The following ADCY9 variants were observed in gnomAD, a reference collection of about 807,000 sequenced individuals.
ADCY9 encodes the protein adenylate cyclase type 9.
A neutral mutation model predicts 101.5 loss-of-function variants in ADCY9; 50 were observed. The observed-to-expected ratio is 0.49, with a 90% CI of 0.39 to 0.62. ADCY9 has a LOEUF of 0.62. ADCY9 is among the 20% of genes least tolerant of loss of function. The probability of loss-of-function intolerance (pLI) is 0.00; values close to 1 mark genes in which losing one functional copy is unlikely to be tolerated. For missense variants in ADCY9, 1,662 were observed against 1,800.4 expected, an observed-to-expected ratio of 0.92 and a Z score of 1.39; for synonymous variants, 905 against 769.3, an observed-to-expected ratio of 1.18 and a Z score of -2.92.
In ADCY9 at chr16:4,114,944, G is replaced by A. The variant is rs753858086; in HGVS notation, c.499C>T (p.Leu167=). 13 of 1,613,984 alleles carry A rather than the reference G, an allele frequency of 8.1e-6. No individual in the cohort carries two copies. The highest frequency in any genetic ancestry group is 4.5e-5 in the East Asian group (2 of 44,890). The change falls in exon 2 of 11, where the codon CTG becomes TTG. Residue 167 remains leucine (L), a synonymous_variant. Transcript: ENST00000294016. This position sits in a 1 kb window ranked among gnomAD's most constrained non-coding sequence, Gnocchi z 4.3. The part of the protein sequence containing the change: ...VGFFLFTFTK[L]YARHYAWTSL... ...GTCCACGCGTAATGCCGGGCGTACA[G>A]CTTGGTGAAGGTAAACAGAAAGAAG...
chr16:4,097,004 A>AAAT (rs1424678597), intron 2 of ADCY9, among the ~76,000 whole-genome samples: 1 of 152,196 alleles, frequency 6.6e-6, no homozygotes, highest in Non-Finnish European at 1.5e-5. Flanking sequence ...CCATGTGTAT[A>AAAT]AATGGTAATC....
intron 9 of ADCY9, among the ~76,000 whole-genome samples, chr16:3,976,119 G>A (rs1221620025): frequency 2.0e-5 from 3 of 152,138 alleles, no homozygotes; most frequent in Non-Finnish European, 4.4e-5. Flanking sequence ...AGCCTCCTGA[G>A]TAGCTGGGAC....
At chr16:4,087,092 T>C (rs948542825) in intron 2 of ADCY9, among the ~76,000 whole-genome samples, 2 of 152,084 alleles carry the variant, frequency 1.3e-5, no homozygotes, top group African/African-American at 4.8e-5. Context: ...GTCTTTTACC[T>C]GCATTCTATT....
chr16:4,002,403 T>C (rs1318627744), intron 3 of ADCY9, among the ~76,000 whole-genome samples: 1 of 152,208 alleles, frequency 6.6e-6, no homozygotes, highest in Non-Finnish European at 1.5e-5. Flanking sequence ...CAAAATTCAC[T>C]GTCACAAAAG....
At chr16:4,099,202 G>C (rs1483779645) in intron 2 of ADCY9, among the ~76,000 whole-genome samples, 1 of 152,058 alleles carries the variant, frequency 6.6e-6, no homozygotes, top group East Asian at 1.9e-4. Flanking sequence ...CAAAGTGCTG[G>C]GATTACAGAC....
chr16:4,055,935 G>C (rs1309815357), intron 2 of ADCY9, among the ~76,000 whole-genome samples: 1 of 152,208 alleles, frequency 6.6e-6, no homozygotes, highest in East Asian at 1.9e-4. Context: ...GAGCCTGCAA[G>C]ACAGCTCCCA....
intron 2 of ADCY9, among the ~76,000 whole-genome samples, chr16:4,098,630 G>A (rs1266435904): frequency 6.6e-6 from 1 of 152,174 alleles, no homozygotes; most frequent in Non-Finnish European, 1.5e-5. Flanking sequence ...GAACACAGCA[G>A]GAAGTAAAAC....
At position 3,977,582 on chromosome 16, in the gene ADCY9, A is replaced by T. The variant is rs1045137938; in HGVS notation, c.2728T>A (p.Cys910Ser). The T allele has an allele frequency of 1.2e-6, 2 of 1,611,988 alleles. No individual in the cohort carries two copies. Among genetic ancestry groups the T allele is most frequent in the Non-Finnish European group, 1.7e-6 (2 of 1,179,502 alleles). Residue 910 changes from cysteine (C) to serine (S), a missense_variant, in exon 9 of 11, where the codon TGT (cysteine) becomes AGT (serine). Around this residue, in one of 5 missense-constraint regions of ADCY9, gnomAD observed 624 missense variants for 639.1 expected, o/e 0.98. Coordinates refer to ENST00000294016, the MANE Select transcript of ADCY9 (RefSeq NM_001116.4). Reference sequence around the variant, plus strand: ...CAGGAGCTGAGCTGGCAGAAGTTACAGTAGTGCACGACGGCAATCAGCGCG... The same window carrying T: ...CAGGAGCTGAGCTGGCAGAAGTTACTGTAGTGCACGACGGCAATCAGCGCG... ...SAALIAVVHY[C>S]NFCQLSSWMR... is the part of the protein sequence containing the mutation.
At chr16:3,975,609 G>T (rs553230819) in intron 9 of ADCY9, among the ~76,000 whole-genome samples, 1 of 152,180 alleles carries the variant, frequency 6.6e-6, no homozygotes, top group African/African-American at 2.4e-5. Context: ...GAAATGCCAG[G>T]GGTCCCTCTG....
intron 4 of ADCY9, 47 bp downstream of exon 4, chr16:3,993,359 T>C (rs2056261626): frequency 1.9e-6 from 3 of 1,601,832 alleles, no homozygotes; most frequent in African/African-American, 1.3e-5. Flanking sequence ...CTTGGGTGGA[T>C]GCGCCAGGAG....
chr16:4,038,229 C>T (rs1268059878), intron 2 of ADCY9, among the ~76,000 whole-genome samples: 3 of 150,744 alleles, frequency 2.0e-5, no homozygotes, highest in African/African-American at 4.9e-5. Flanking sequence ...TGCAGTGAGC[C>T]GTGATTGCAC....
chr16:4,021,972 C>T (rs182759795), intron 2 of ADCY9, among the ~76,000 whole-genome samples: 1 of 152,206 alleles, frequency 6.6e-6, no homozygotes, highest in African/African-American at 2.4e-5. Flanking sequence ...GCAATGTCCT[C>T]TTTTCCATCA....
chr16:4,083,152 G>A (rs753649972), intron 2 of ADCY9, among the ~76,000 whole-genome samples: 11 of 152,110 alleles, frequency 7.2e-5, no homozygotes, highest in Non-Finnish European at 1.5e-4. Flanking sequence ...TAGTAAATGC[G>A]TTTTTTTGTT....
intron 2 of ADCY9, among the ~76,000 whole-genome samples, chr16:4,065,955 T>C (rs2056798731): frequency 6.6e-6 from 1 of 151,856 alleles, no homozygotes. Context: ...CTGCCCGCCT[T>C]GGCCTCCCAA....
At chr16:4,012,028 A>G (rs2056407789) in intron 2 of ADCY9, among the ~76,000 whole-genome samples, 1 of 152,238 alleles carries the variant, frequency 6.6e-6, no homozygotes, top group Non-Finnish European at 1.5e-5. Flanking sequence ...TGCACCTTCT[A>G]CATACAAAAG....
intron 2 of ADCY9, among the ~76,000 whole-genome samples, chr16:4,009,110 A>G (rs1157855574): frequency 6.6e-6 from 1 of 152,164 alleles, no homozygotes; most frequent in Non-Finnish European, 1.5e-5. Context: ...CTACGTGGCT[A>G]ATCTTTTTAA....
chr16:4,056,619 G>C (rs2056739565), intron 2 of ADCY9, among the ~76,000 whole-genome samples: 1 of 152,120 alleles, frequency 6.6e-6, no homozygotes, highest in Non-Finnish European at 1.5e-5. Context: ...GTAAGAAGCA[G>C]AATTCTAACC....
chr16:4,013,817 A>C (rs1022607871), intron 2 of ADCY9, among the ~76,000 whole-genome samples: 2 of 152,252 alleles, frequency 1.3e-5, no homozygotes, highest in African/African-American at 4.8e-5. Context: ...CTTTCTGCGT[A>C]AGAAGAACAA....
At chr16:4,065,931 T>C (rs1294986262) in intron 2 of ADCY9, among the ~76,000 whole-genome samples, 5 of 152,212 alleles carry the variant, frequency 3.3e-5, no homozygotes, top group Non-Finnish European at 5.9e-5. Flanking sequence ...CTCGAACTCC[T>C]GACCTCAGGT....
Sources: gnomAD v4.1 joint callset for allele counts (sites outside exome capture counted in the v4.1 genomes callset) on GRCh38, gnomAD v4.1.1 for gene constraint, gnomAD v4.1.1 regional missense constraint, Gnocchi (gnomAD v3.1) non-coding constraint, MANE v1.5 for transcripts, NCBI Gene and HGNC (gene_info 2026-07-23, HGNC 2026-07-21) for gene names.